The following TOP1 variants were observed in gnomAD, a reference collection of about 807,000 sequenced individuals.
TOP1 encodes the protein DNA topoisomerase I.
A neutral mutation model predicts 111.1 loss-of-function variants in TOP1; 10 were observed. The ratio of observed to expected loss-of-function variants is 0.09; its 90% confidence interval spans 0.06 to 0.15. The LOEUF (loss-of-function observed/expected upper bound fraction) is 0.15. TOP1 is among the 10% of genes least tolerant of loss of function. The probability of loss-of-function intolerance (pLI) is 1.00; values close to 1 mark genes in which losing one functional copy is unlikely to be tolerated. For missense variants in TOP1, 474 were observed against 926.7 expected, an observed-to-expected ratio of 0.51 and a Z score of 6.34; for synonymous variants, 271 against 302.9, an observed-to-expected ratio of 0.89 and a Z score of 1.10.
intron 2 of TOP1, among the ~76,000 whole-genome samples, chr20:41,054,970 G>A (rs573613205): frequency 2.1e-4 from 32 of 152,216 alleles, no homozygotes; most frequent in Middle Eastern, 6.8e-3. Flanking sequence ...TTAAACCCCA[G>A]GGAATACGTT....
chr20:41,051,583 A>G (rs1264009210), intron 2 of TOP1, among the ~76,000 whole-genome samples: 1 of 152,198 alleles, frequency 6.6e-6, no homozygotes, highest in Non-Finnish European at 1.5e-5. Context: ...AAACAGGCAT[A>G]TGTGCTTCTG....
intron 9 of TOP1, among the ~76,000 whole-genome samples, chr20:41,096,033 G>A (rs1410018512): frequency 6.6e-6 from 1 of 152,124 alleles, no homozygotes; most frequent in East Asian, 1.9e-4. Flanking sequence ...TTACCAGTTA[G>A]CAGCTTTCAT....
chr20:41,097,690 C>T lies in TOP1; in HGVS notation c.852+349C>T, dbSNP rs1415176057. ...AAAGAGAAATGTTAATCTGATGTCC[C>T]TCTCGCTGTTAATTCTTGCTCATTT... On this transcript the variant is annotated intron_variant, in intron 10 of 20. Coordinates refer to ENST00000361337, the MANE Select transcript of TOP1 (RefSeq NM_003286.4). The surrounding 1 kb of genome is among the most constrained non-coding windows in gnomAD (Gnocchi z 4.2). Among the ~76,000 whole-genome samples, 1 of 152,196 alleles carries T rather than the reference C, an allele frequency of 6.6e-6. No individual in the cohort carries two copies. The highest frequency in any genetic ancestry group is 1.9e-4 in the East Asian group (1 of 5,198).
Position 41,092,648 on chromosome 20 carries a change from A to T in TOP1, c.730+61A>T, listed in dbSNP as rs1286146500. 2.5e-6 allele frequency: 2 copies of T among 799,598 alleles called. No homozygotes were observed. Among genetic ancestry groups the T allele is most frequent in the African/African-American group, 1.7e-5 (1 of 57,196 alleles). 49.5% of individuals were successfully genotyped at this position (799,598 alleles called of 1,614,324 possible). A position where few individuals can be genotyped will look rare whatever the true frequency, so the allele number is the denominator to read the frequency against. On this transcript the variant is annotated intron_variant, in intron 9 of 20. Coordinates refer to ENST00000361337, the MANE Select transcript of TOP1 (RefSeq NM_003286.4). The surrounding 1 kb of genome is among the most constrained non-coding windows in gnomAD (Gnocchi z 4.3). Reference sequence around the variant, plus strand: ...AAAAGAAATCTGCTTCTATTTAGGGATAGAAAACAAGGAAGGATCCTATGT... The same window carrying T: ...AAAAGAAATCTGCTTCTATTTAGGGTTAGAAAACAAGGAAGGATCCTATGT...
At chr20:41,076,804 A>C (rs966813936) in intron 4 of TOP1, among the ~76,000 whole-genome samples, 9 of 152,178 alleles carry the variant, frequency 5.9e-5, no homozygotes. Flanking sequence ...AAATTCAGAT[A>C]CTATGAAATA....
At chr20:41,117,330 A>C (rs1378113071) in intron 17 of TOP1, among the ~76,000 whole-genome samples, 1 of 150,418 alleles carries the variant, frequency 6.6e-6, no homozygotes, top group African/African-American at 2.5e-5. Flanking sequence ...GTGAGACGCT[A>C]TCTCTAAAAT....
At position 41,030,075 on chromosome 20, in the gene TOP1, C is replaced by T. The variant is rs1391050162; in HGVS notation, c.58+620C>T. Among the ~76,000 whole-genome samples the T allele has an allele frequency of 1.3e-5, 2 of 151,968 alleles. No individual in the cohort carries two copies. Among genetic ancestry groups the T allele is most frequent in the African/African-American group, 4.8e-5 (2 of 41,332 alleles). Reference sequence around the variant, plus strand: ...TATGATAGGAATTATGGCTCTAAAACTAAAGCCACGCTTTGTGGAGTTCTT... The same window carrying T: ...TATGATAGGAATTATGGCTCTAAAATTAAAGCCACGCTTTGTGGAGTTCTT... On this transcript the variant is annotated intron_variant, in intron 2 of 20. Transcript: ENST00000361337. This position sits in a 1 kb window ranked among gnomAD's most constrained non-coding sequence, Gnocchi z 4.1.
rs2033776043 is a variant in TOP1 at position 41,080,422 on chromosome 20, T to C, written c.431+242T>C. 2.0e-5 allele frequency among the ~76,000 whole-genome samples: 3 copies of C among 152,166 alleles called. No homozygotes were observed. The highest frequency in any genetic ancestry group is 4.4e-5 in the Non-Finnish European group (3 of 68,012). ...TTTATTACTGAAAAGGCAATAGATA[T>C]TTATTGTAGAAATTTCAAATAATAC... On this transcript the variant is annotated intron_variant, in intron 6 of 20. Coordinates refer to ENST00000361337, the MANE Select transcript of TOP1 (RefSeq NM_003286.4). This position sits in a 1 kb window ranked among gnomAD's most constrained non-coding sequence, Gnocchi z 5.0.
At chr20:41,091,027 T>C (rs1206254311) in intron 8 of TOP1, among the ~76,000 whole-genome samples, 2 of 152,252 alleles carry the variant, frequency 1.3e-5, no homozygotes, top group Admixed American at 1.3e-4. Flanking sequence ...AAAACTGTTC[T>C]TTCTCCATTG....
At chr20:41,051,916 C>A (rs893708382) in intron 2 of TOP1, among the ~76,000 whole-genome samples, 1 of 152,168 alleles carries the variant, frequency 6.6e-6, no homozygotes, top group Non-Finnish European at 1.5e-5. Flanking sequence ...ACCGCATTGA[C>A]AGTTGTTAAC....
chr20:41,107,191 T>G (rs917516971), intron 13 of TOP1, among the ~76,000 whole-genome samples: 1 of 152,228 alleles, frequency 6.6e-6, no homozygotes, highest in Non-Finnish European at 1.5e-5. Context: ...GGTTTCACTA[T>G]GCTGTATCCA....
rs1026337138 is a variant in TOP1, at chr20:41,083,761, G to A, written c.508-701G>A. Among the ~76,000 whole-genome samples, 10 of 152,300 alleles carry A rather than the reference G, an allele frequency of 6.6e-5. No homozygotes were observed. The highest frequency in any genetic ancestry group is 2.2e-4 in the African/African-American group (9 of 41,570). On this transcript the variant is annotated intron_variant, in intron 7 of 20. Transcript: ENST00000361337. The surrounding 1 kb of genome is among the most constrained non-coding windows in gnomAD (Gnocchi z 7.2). ...ATTCTGAGTGGGATCTTCACTTGTTGAATATTACATTTTTGTTTGGGTTTT... is the reference window on the plus strand; with the variant it reads ...ATTCTGAGTGGGATCTTCACTTGTTAAATATTACATTTTTGTTTGGGTTTT...
At position 41,118,176 on chromosome 20, in the gene TOP1, G is replaced by A. The variant is rs1257565859; in HGVS notation, c.1830G>A (p.Glu610=). Residue 610 remains glutamate, a synonymous_variant, in exon 18 of 21, where the codon GAG becomes GAA. Coordinates refer to ENST00000361337, the MANE Select transcript of TOP1 (RefSeq NM_003286.4). The surrounding 1 kb of genome is among the most constrained non-coding windows in gnomAD (Gnocchi z 4.6). The part of the protein sequence containing the change: ...QQLKELTAPD[E]NIPAKILSYN... ...ATGTTCCTTTCTTTACAGCGGATGA[G>A]AACATCCCAGCGAAGATCCTTTCTT... 6.2e-7 allele frequency: 1 copy of A among 1,613,764 alleles called. No individual in the cohort carries two copies. Among genetic ancestry groups the A allele is most frequent in the South Asian group, 1.1e-5 (1 of 91,062 alleles).
chr20:41,049,119 C>G (rs1294742580), intron 2 of TOP1, among the ~76,000 whole-genome samples: 1 of 152,188 alleles, frequency 6.6e-6, no homozygotes, highest in Non-Finnish European at 1.5e-5. Context: ...GTAAAGTAGA[C>G]GAATAGCCTC....
In TOP1 at chr20:41,029,467, C is replaced by A. The variant is rs2033087900; in HGVS notation, c.58+12C>A. 19 of 1,555,820 alleles carry A rather than the reference C, an allele frequency of 1.2e-5. No individual in the cohort carries two copies. The highest frequency in any genetic ancestry group is 1.6e-5 in the Non-Finnish European group (19 of 1,153,090). On this transcript the variant is annotated intron_variant, in intron 2 of 20. Coordinates refer to ENST00000361337, the MANE Select transcript of TOP1 (RefSeq NM_003286.4). This position sits in a 1 kb window ranked among gnomAD's most constrained non-coding sequence, Gnocchi z 6.1. ...TTTCCGATTGAATGGTGAGTGTGCC[C>A]CCTGCGCCGACTCCGGGGCCCCCCA...
rs190222461 is a variant in TOP1, at chr20:41,060,642, G to T, written c.59-752G>T. Among the ~76,000 whole-genome samples the T allele has an allele frequency of 2.0e-5, 3 of 152,124 alleles. No homozygotes were observed. The East Asian group carries it at 5.8e-4, about 29-fold the overall frequency. ...TTATTACAGTTATTTCTTAATATTT[G>T]TAGGGGATTGGTTCCAGGACCACCC... On this transcript the variant is annotated intron_variant, in intron 2 of 20. Transcript: ENST00000361337.
At chr20:41,075,233 A>G (rs1046407413) in intron 3 of TOP1, among the ~76,000 whole-genome samples, 2 of 152,256 alleles carry the variant, frequency 1.3e-5, no homozygotes, top group Admixed American at 6.5e-5. Flanking sequence ...GTGCAGTGGC[A>G]CTATCTCGGC....
intron 3 of TOP1, chr20:41,072,998 C>G (rs1324184666): frequency 1.0e-6 from 1 of 985,394 alleles, no homozygotes; most frequent in Non-Finnish European, 1.2e-6. Context: ...GTTTACTACT[C>G]TAGCAGGAAC....
In TOP1 at chr20:41,077,574, CT is replaced by C. The variant is rs2145936017; in HGVS notation, c.280-4del. The stretch of plus-strand genomic sequence containing the variant: ...CAAGGTACTAGTTACTGTTGTTTTA[CT>C]TTTCAGGTTCGAGCCTCTGGGGATG... On this transcript the variant is annotated splice_region_variant and splice_polypyrimidine_tract_variant and intron_variant, in intron 4 of 20. Coordinates refer to ENST00000361337, the MANE Select transcript of TOP1 (RefSeq NM_003286.4). 6 of 1,613,560 alleles carry C rather than the reference CT, an allele frequency of 3.7e-6. No homozygotes were observed. Among genetic ancestry groups the C allele is most frequent in the Non-Finnish European group, 5.1e-6 (6 of 1,179,500 alleles).
Sources: gnomAD v4.1 joint callset for allele counts (sites outside exome capture counted in the v4.1 genomes callset) on GRCh38, gnomAD v4.1.1 for gene constraint, Gnocchi (gnomAD v3.1) non-coding constraint, MANE v1.5 for transcripts, NCBI Gene and HGNC (gene_info 2026-07-23, HGNC 2026-07-21) for gene names.